ZMIZ1: variants seen among roughly 807,000 people sequenced by gnomAD.
ZMIZ1 encodes the protein zinc finger MIZ domain-containing protein 1.
In ZMIZ1, 17 loss-of-function variants were observed where a neutral mutation model predicts 113.9. That is an observed-to-expected ratio of 0.15 (90% CI 0.10 to 0.22). ZMIZ1 has a LOEUF of 0.22. ZMIZ1 is among the 10% of genes least tolerant of loss of function. The probability of loss-of-function intolerance (pLI) is 1.00; values close to 1 mark genes in which losing one functional copy is unlikely to be tolerated. For synonymous variants in ZMIZ1, 607 were observed against 603.1 expected (o/e 1.01, Z -0.09); for missense variants, 1,059 against 1,477.8 (o/e 0.72, Z 4.65).
Position 79,292,323 on chromosome 10 carries a change from G to C in ZMIZ1, c.924G>C (p.Glu308Asp). 1 of 1,613,364 alleles carries C rather than the reference G, an allele frequency of 6.2e-7. No homozygotes were observed. The highest frequency in any genetic ancestry group is 8.5e-7 in the Non-Finnish European group (1 of 1,179,664). The change falls in exon 11 of 25, where the codon GAG becomes GAC. Residue 308 changes from glutamate to aspartate, a missense_variant. Transcript: ENST00000334512. ...TATATVAALQETQNKDINQYG... is the reference protein window; with the variant it reads ...TATATVAALQDTQNKDINQYG... ...CGGCCACTGTGGCAGCCCTGCAGGA[G>C]ACACAGAACAAGGATATAAACCAGT...
In ZMIZ1 at chr10:79,241,536, C is replaced by G. The variant is rs558505330; in HGVS notation, c.280+25262C>G. On this transcript the variant is annotated intron_variant, in intron 7 of 24. Transcript: ENST00000334512. ...CCAGTAAGGGGATGCCAATTAATTT[C>G]TCTTGCAGGAAGCTAGTTCGTGTCC... 7.3e-4 allele frequency among the ~76,000 whole-genome samples: 111 copies of G among 152,190 alleles called. 2 individuals carry two copies. The South Asian group carries it at 0.022, about 31-fold the overall frequency.
chr10:79,314,371 C>A lies in ZMIZ1; in HGVS notation c.*1622C>A, dbSNP rs948946535. 10 of 395,690 alleles carry A rather than the reference C, an allele frequency of 2.5e-5. No individual in the cohort carries two copies. Among genetic ancestry groups the A allele is most frequent in the African/African-American group, 1.7e-4 (8 of 48,350 alleles). 24.5% of individuals were successfully genotyped at this position (395,690 alleles called of 1,614,324 possible). On this transcript the variant is annotated 3_prime_UTR_variant, in exon 25 of 25. Coordinates refer to ENST00000334512, the MANE Select transcript of ZMIZ1 (RefSeq NM_020338.4). ...TCCGCTGTGGGTGGTCCCCAGCTCT[C>A]CTCTGTGGGTTTTACCGGAAAGGTG...
chr10:79,308,589 C>G (rs1163103402), intron 23 of ZMIZ1, among the ~76,000 whole-genome samples: 1 of 152,174 alleles, frequency 6.6e-6, no homozygotes, highest in Non-Finnish European at 1.5e-5. Context: ...ATGGAATTGC[C>G]TCAGGACTCT....
Position 79,285,467 on chromosome 10 carries a change from G to A in ZMIZ1, c.426-4308G>A, listed in dbSNP as rs1258825380. On this transcript the variant is annotated intron_variant, in intron 8 of 24. Transcript: ENST00000334512. Reference sequence around the variant, plus strand: ...CCATTTCATAGATGAGGTTGCTGAGGCATACAGAGAGTGAGCAGTGGTTTC... The same window carrying A: ...CCATTTCATAGATGAGGTTGCTGAGACATACAGAGAGTGAGCAGTGGTTTC... The A allele has an allele frequency of 6.6e-6, 3 of 455,972 alleles. No homozygotes were observed. The East Asian group carries it at 2.1e-4, about 32-fold the overall frequency. 28.2% of individuals were successfully genotyped at this position (455,972 alleles called of 1,614,324 possible).
rs77744606 is a variant in ZMIZ1 at position 79,276,530 on chromosome 10, T to C, written c.281-651T>C. 6.3e-3 allele frequency among the ~76,000 whole-genome samples: 938 copies of C among 149,870 alleles called. 13 individuals carry two copies. Among genetic ancestry groups the C allele is most frequent in the African/African-American group, 0.022 (890 of 41,246 alleles). ...CCCCACCACCCTGGCCACCCTCTGC[T>C]CTGGACATCCTTTGTCTTCCTAGGC... On this transcript the variant is annotated intron_variant, in intron 7 of 24. Coordinates refer to ENST00000334512, the MANE Select transcript of ZMIZ1 (RefSeq NM_020338.4).
chr10:79,220,669 C>T (rs1005272955), intron 7 of ZMIZ1, among the ~76,000 whole-genome samples: 1 of 152,190 alleles, frequency 6.6e-6, no homozygotes, highest in Non-Finnish European at 1.5e-5. Flanking sequence ...CTCTGTGCAG[C>T]GGCCCCTGTC....
At chr10:79,198,214 A>C (rs1023280956) in intron 4 of ZMIZ1, among the ~76,000 whole-genome samples, 1 of 152,038 alleles carries the variant, frequency 6.6e-6, no homozygotes, top group African/African-American at 2.4e-5. Context: ...AGTGGAGATC[A>C]CGCCACTGCA....
At chr10:79,132,667 C>G (rs142070180) in intron 2 of ZMIZ1, among the ~76,000 whole-genome samples, 12 of 152,314 alleles carry the variant, frequency 7.9e-5, no homozygotes, top group African/African-American at 2.9e-4. Flanking sequence ...TCTTCAAGGT[C>G]ACAGCACAAA....
intron 4 of ZMIZ1, among the ~76,000 whole-genome samples, chr10:79,194,970 A>G (rs3897443): frequency 0.17 from 26,125 of 152,138 alleles, 2,429 homozygotes; most frequent in South Asian, 0.31. Context: ...CCATTTGCCC[A>G]ACTAAGCCCA....
chr10:79,228,949 G>T (rs1849293085), intron 7 of ZMIZ1, among the ~76,000 whole-genome samples: 1 of 152,202 alleles, frequency 6.6e-6, no homozygotes, highest in African/African-American at 2.4e-5. Flanking sequence ...AGCATAAACT[G>T]CCATCTCATG....
intron 3 of ZMIZ1, among the ~76,000 whole-genome samples, chr10:79,151,854 G>A (rs1329555227): frequency 6.6e-6 from 1 of 152,172 alleles, no homozygotes; most frequent in Admixed American, 6.5e-5. Context: ...TTGGCGGTGG[G>A]TGGAGTCACG....
intron 1 of ZMIZ1, among the ~76,000 whole-genome samples, chr10:79,076,197 G>C (rs1271037430): frequency 1.3e-5 from 2 of 152,226 alleles, no homozygotes; most frequent in Non-Finnish European, 2.9e-5. Flanking sequence ...AAGGTCAGCA[G>C]CGAATGGGTG....
intron 7 of ZMIZ1, among the ~76,000 whole-genome samples, chr10:79,276,158 A>G (rs1326100692): frequency 6.6e-6 from 1 of 152,188 alleles, no homozygotes; most frequent in African/African-American, 2.4e-5. Context: ...AAGGCAGGAC[A>G]CGAGGCATTA....
At chr10:79,078,884 G>C (rs1284326954) in intron 1 of ZMIZ1, among the ~76,000 whole-genome samples, 1 of 151,836 alleles carries the variant, frequency 6.6e-6, no homozygotes, top group African/African-American at 2.4e-5. Context: ...CTATGGAAAA[G>C]ACCAATAGAC....
chr10:79,222,396 G>A (rs748400523), intron 7 of ZMIZ1, among the ~76,000 whole-genome samples: 3 of 152,094 alleles, frequency 2.0e-5, no homozygotes, highest in Non-Finnish European at 4.4e-5. Flanking sequence ...CTTCCCCACC[G>A]TTGGAAACCA....
intron 1 of ZMIZ1, among the ~76,000 whole-genome samples, chr10:79,096,016 T>C (rs1229287945): frequency 6.6e-6 from 1 of 152,174 alleles, no homozygotes; most frequent in Non-Finnish European, 1.5e-5. Flanking sequence ...TGAGCAGAAC[T>C]TAGGACAGTT....
At chr10:79,279,991 AC>A (rs1463482595) in intron 8 of ZMIZ1, among the ~76,000 whole-genome samples, 3 of 126,240 alleles carry the variant, frequency 2.4e-5, no homozygotes, top group African/African-American at 8.9e-5. Context: ...TATTATTATT[AC>A]TTTTTTTTTT....
chr10:79,242,899 G>C (rs2132841245), intron 7 of ZMIZ1, among the ~76,000 whole-genome samples: 1 of 152,118 alleles, frequency 6.6e-6, no homozygotes, highest in South Asian at 2.1e-4. Context: ...TGAAATGTGA[G>C]CTGCCTCCGA....
intron 4 of ZMIZ1, among the ~76,000 whole-genome samples, chr10:79,163,393 C>T (rs1046529026): frequency 4.6e-5 from 7 of 152,248 alleles, no homozygotes; most frequent in Non-Finnish European, 1.0e-4. Context: ...AGCCAGCTTT[C>T]TCATCTGAAA....
Sources: allele counts gnomAD v4.1 joint callset (sites outside exome capture counted in the v4.1 genomes callset), GRCh38; gene constraint gnomAD v4.1.1; transcripts MANE v1.5; gene names NCBI Gene and HGNC (gene_info 2026-07-23, HGNC 2026-07-21).